Variants in CEP192 observed in about 807,000 individuals in gnomAD.
CEP192 encodes centrosomal protein of 192 kDa.
A neutral mutation model predicts 271.8 loss-of-function variants in CEP192; 151 were observed. The observed-to-expected ratio is 0.56, with a 90% CI of 0.49 to 0.64. The LOEUF (loss-of-function observed/expected upper bound fraction) is 0.64, where lower values mean the gene tolerates loss of function less well. Ranked by LOEUF, CEP192 falls within the 30% of genes least tolerant of loss-of-function variation. The pLI is 0.00. For missense variants in CEP192, 2,910 were observed against 3,020.5 expected (o/e 0.96, Z 0.86); for synonymous variants, 995 against 1,076.5 (o/e 0.92, Z 1.48).
At chr18:13,043,249 T>G (rs2036305146) in intron 15 of CEP192, among the ~76,000 whole-genome samples, 1 of 152,250 alleles carries the variant, frequency 6.6e-6, no homozygotes, top group Admixed American at 6.5e-5. Flanking sequence ...TTATTTGATT[T>G]GTAGGTGTTG....
At chr18:13,017,044 C>CA in intron 6 of CEP192, 144 bp from the exon 7 acceptor site, 1 of 596,018 alleles carries the variant, frequency 1.7e-6, no homozygotes, top group African/African-American at 1.9e-5. Context: ...ACTGAAGTTA[C>CA]AATAGTTTTC....
At position 13,117,619 on chromosome 18, in the gene CEP192, T is replaced by A; in HGVS notation, c.7451T>A (p.Val2484Asp). 1 of 1,613,002 alleles carries A rather than the reference T, an allele frequency of 6.2e-7. No individual in the cohort carries two copies. Among genetic ancestry groups the A allele is most frequent in the Non-Finnish European group, 8.5e-7 (1 of 1,179,032 alleles). Residue 2484 changes from valine (V) to aspartate (D), a missense_variant, in exon 44 of 45, where the codon GTC becomes GAC. Val to Asp is a radical substitution (Grantham distance 152). Transcript: ENST00000506447. Reference protein sequence around the residue: ...KFLSPREPFYVKHSKYSLRAQ... With the variant: ...KFLSPREPFYDKHSKYSLRAQ... Reference sequence around the variant, plus strand: ...TTGAGTCCCAGAGAGCCATTCTATGTCAAACATTCCAAGTACTCTTTGAGG... The same window carrying A: ...TTGAGTCCCAGAGAGCCATTCTATGACAAACATTCCAAGTACTCTTTGAGG...
intron 4 of CEP192, among the ~76,000 whole-genome samples, chr18:13,010,333 A>T (rs924853608): frequency 6.6e-6 from 1 of 152,202 alleles, no homozygotes; most frequent in Admixed American, 6.5e-5. Flanking sequence ...TTCAGTACTC[A>T]AAAGGACTTG....
intron 13 of CEP192, among the ~76,000 whole-genome samples, chr18:13,039,689 G>T (rs1034251480): frequency 6.6e-6 from 1 of 152,100 alleles, no homozygotes; most frequent in Non-Finnish European, 1.5e-5. Flanking sequence ...TAGGAGGGGG[G>T]TTTTATCTCA....
At position 13,087,608 on chromosome 18, in the gene CEP192, A is replaced by T. The variant is rs769258328; in HGVS notation, c.5955A>T (p.Leu1985Phe). Reference protein sequence around the residue: ...KTATELSTVYLFGGDEISRQQ... With the variant: ...KTATELSTVYFFGGDEISRQQ... ...CAACAGAACTATCAACTGTATACTT[A>T]TTTGGTGGAGATGAAATTTCAAGAC... The change falls in exon 32 of 45, where the codon TTA (leucine) becomes TTT (phenylalanine). Residue 1985 changes from leucine to phenylalanine, a missense_variant. Leu to Phe is a conservative substitution (Grantham distance 22). Transcript: ENST00000506447. The T allele has an allele frequency of 3.2e-6, 5 of 1,577,974 alleles. No individual in the cohort carries two copies. The highest frequency in any genetic ancestry group is 4.3e-6 in the Non-Finnish European group (5 of 1,160,844).
At chr18:13,102,544 C>T (rs942139282) in intron 38 of CEP192, among the ~76,000 whole-genome samples, 5 of 152,178 alleles carry the variant, frequency 3.3e-5, no homozygotes, top group African/African-American at 7.2e-5. Flanking sequence ...CCCGGAACCC[C>T]GTCCTGTGAA....
intron 20 of CEP192, 170 bp from the exon 21 acceptor site, chr18:13,058,912 C>G (rs977961597): frequency 5.0e-6 from 3 of 601,326 alleles, no homozygotes. Context: ...GCATTTGACT[C>G]GTTGTACTTC....
Position 13,030,477 on chromosome 18 carries a change from C to A in CEP192, c.1403C>A (p.Pro468Gln), listed in dbSNP as rs1030376968. 1.2e-6 allele frequency: 2 copies of A among 1,603,380 alleles called. No individual in the cohort carries two copies. The highest frequency in any genetic ancestry group is 1.7e-6 in the Non-Finnish European group (2 of 1,173,886). Residue 468 changes from proline to glutamine, a missense_variant, in exon 11 of 45, where the codon CCA becomes CAA. Coordinates refer to ENST00000506447, the MANE Select transcript of CEP192 (RefSeq NM_032142.4). Reference protein sequence around the residue: ...IEKNKDKTDLPQSVVYQNEEG... With the variant: ...IEKNKDKTDLQQSVVYQNEEG... ...TTTTATTTTTTAGAAACAGATCTCC[C>A]ACAGAGTGTGGTCTATCAAAATGAA...
At chr18:13,112,266 A>C (rs1395733651) in intron 40 of CEP192, among the ~76,000 whole-genome samples, 1 of 152,246 alleles carries the variant, frequency 6.6e-6, no homozygotes, top group Admixed American at 6.5e-5. Flanking sequence ...TATATCTGTA[A>C]AATGAAATAT....
At chr18:13,014,567 T>C (rs1568280656) in intron 5 of CEP192, among the ~76,000 whole-genome samples, 1 of 152,198 alleles carries the variant, frequency 6.6e-6, no homozygotes, top group East Asian at 1.9e-4. Context: ...CTTTCAAAGC[T>C]CAGAGCTTAT....
In CEP192 at chr18:13,038,569, A is replaced by G. The variant is rs781398136; in HGVS notation, c.1799A>G (p.Asn600Ser). 3 of 1,551,012 alleles carry G rather than the reference A, an allele frequency of 1.9e-6. No homozygotes were observed. The highest frequency in any genetic ancestry group is 1.7e-4 in the Middle Eastern group (1 of 5,980). Residue 600 changes from asparagine (N) to serine (S), a missense_variant, in exon 13 of 45, where the codon AAT becomes AGT. Physicochemically the swap from Asn to Ser is conservative, Grantham distance 46. Transcript: ENST00000506447. ...CTTGGTTGCCTTGGTGGTGGTAACA[A>G]TGTGAAAAGAGTAAGTATGGAATCT... ...EALGCLGGGNNVKRPSFGYFI... is the reference protein window; with the variant it reads ...EALGCLGGGNSVKRPSFGYFI...
intron 37 of CEP192, among the ~76,000 whole-genome samples, 167 bp from the exon 38 acceptor site, chr18:13,100,138 A>G (rs2039636812): frequency 6.6e-6 from 1 of 152,200 alleles, no homozygotes; most frequent in Non-Finnish European, 1.5e-5. Flanking sequence ...GAGAGAGGAG[A>G]TAGAGTCACA....
In CEP192 at chr18:13,056,362, G is replaced by A. The variant is rs546992868; in HGVS notation, c.3772G>A (p.Ala1258Thr). 4.6e-5 allele frequency: 74 copies of A among 1,614,202 alleles called. No homozygotes were observed. The Middle Eastern group carries it at 1.5e-3, about 32-fold the overall frequency. Residue 1258 changes from alanine (A) to threonine (T), a missense_variant, in exon 19 of 45, where the codon GCT becomes ACT. Coordinates refer to ENST00000506447, the MANE Select transcript of CEP192 (RefSeq NM_032142.4). ...HALLTQPSLS[A>T]APFAQRYLGT... ...ACTCTTGACACAACCCTCTCTCAGC[G>A]CTGCTCCTTTTGCTCAGCGGTATTT...
chr18:13,114,007 T>G, intron 41 of CEP192, 123 bp from the exon 42 acceptor site: 1 of 1,162,768 alleles, frequency 8.6e-7, no homozygotes, highest in Non-Finnish European at 1.2e-6. Context: ...TTTAGGGGAT[T>G]TAAAAATCTT....
At chr18:13,065,913 A>G (rs563983737) in intron 21 of CEP192, among the ~76,000 whole-genome samples, 2 of 152,286 alleles carry the variant, frequency 1.3e-5, no homozygotes, top group South Asian at 2.1e-4. Flanking sequence ...TTTAGGTGAC[A>G]TGTTTCTTTT....
At chr18:13,055,692 T>C in intron 18 of CEP192, 88 bp from the exon 19 acceptor site, 2 of 944,356 alleles carry the variant, frequency 2.1e-6, no homozygotes, top group Non-Finnish European at 3.1e-6. Context: ...TGCACATCTC[T>C]TTGTTACTTG....
At chr18:13,006,128 G>A (rs941410428) in intron 3 of CEP192, among the ~76,000 whole-genome samples, 2 of 151,980 alleles carry the variant, frequency 1.3e-5, no homozygotes, top group East Asian at 1.9e-4. Context: ...GTTTTGGATT[G>A]CCTGGGTTGT....
At position 13,113,706 on chromosome 18, in the gene CEP192, G is replaced by C. The variant is rs1333699431; in HGVS notation, c.7167+1G>C. The stretch of plus-strand genomic sequence containing the variant: ...GTTGAGATTCCAACTCTCTGGACAA[G>C]TGAGTAGTACACTGAATTTAAGTAA... On this transcript the variant is annotated splice_donor_variant, in intron 41 of 44. Coordinates refer to ENST00000506447, the MANE Select transcript of CEP192 (RefSeq NM_032142.4). LOFTEE classifies it high-confidence loss of function. 6.2e-7 allele frequency: 1 copy of C among 1,607,940 alleles called. No homozygotes were observed. Among genetic ancestry groups the C allele is most frequent in the Non-Finnish European group, 8.5e-7 (1 of 1,177,686 alleles).
intron 36 of CEP192, among the ~76,000 whole-genome samples, chr18:13,096,630 G>C (rs1175901892): frequency 6.6e-6 from 1 of 152,204 alleles, no homozygotes; most frequent in Non-Finnish European, 1.5e-5. Flanking sequence ...CACAAAGCAA[G>C]GAATGCAACT....
Sources: allele counts gnomAD v4.1 joint callset (sites outside exome capture counted in the v4.1 genomes callset), GRCh38; gene constraint gnomAD v4.1.1; transcripts MANE v1.5; gene names NCBI Gene and HGNC (gene_info 2026-07-23, HGNC 2026-07-21).